GRPEL1: variants seen among roughly 807,000 people sequenced by gnomAD.
The protein encoded by GRPEL1 is GrpE like 1, mitochondrial.
Under a neutral mutation model 22.1 loss-of-function variants are expected in GRPEL1, and 13 were observed. That is an observed-to-expected ratio of 0.59 (90% CI 0.38 to 0.94). The LOEUF is 0.94. Among genes scored for constraint, GRPEL1 ranks in the 40% least tolerant of loss-of-function variants. The pLI, the probability that GRPEL1 is intolerant of heterozygous loss-of-function variation, is 0.00. For missense variants in GRPEL1, 289 were observed against 264.6 expected (o/e 1.09, Z -0.64); for synonymous variants, 109 against 105.3 (o/e 1.03, Z -0.21).
Position 7,059,345 on chromosome 4 carries a change from G to T in GRPEL1, c.*1517C>A, listed in dbSNP as rs752546629. The T allele has an allele frequency of 2.6e-5, 4 of 152,206 alleles. No individual in the cohort carries two copies. Among genetic ancestry groups the T allele is most frequent in the African/African-American group, 4.8e-5 (2 of 41,442 alleles). The allele number at this position is 152,206 out of a possible 1,614,324, so 9.4% of individuals were successfully genotyped here. On this transcript the variant is annotated 3_prime_UTR_variant, in exon 4 of 4. Transcript: ENST00000264954. ...TAGCAACTGCAGCTGTAGTTGAGAC[G>T]GTAGGAGACTGCAAACATTCACAGA...
At position 7,068,023 on chromosome 4, in the gene GRPEL1, G is replaced by T; in HGVS notation, c.10C>A (p.Gln4Lys). Residue 4 changes from glutamine to lysine, a missense_variant, in exon 1 of 4, where the codon CAG becomes AAG. By Grantham distance (53) the Gln-to-Lys change is moderately conservative (BLOSUM62 1). Transcript: ENST00000264954. MAA[Q>K]CVRLARRSLP... ...CTGCGCCGCGCCAACCTCACGCACT[G>T]AGCCGCCATGACTGCCACTGCCCGT... The T allele has an allele frequency of 6.2e-7, 1 of 1,612,010 alleles. No individual in the cohort carries two copies. Among genetic ancestry groups the T allele is most frequent in the Non-Finnish European group, 8.5e-7 (1 of 1,179,648 alleles).
rs62289251 is a variant in GRPEL1 at position 7,066,551 on chromosome 4, A to G, written c.62+1420T>C. The stretch of plus-strand genomic sequence containing the variant: ...GCCATGGGGGTGGAGAGCGATGACC[A>G]TTTTATATTTTTACTCTTGTGAATT... On this transcript the variant is annotated intron_variant, in intron 1 of 3. Transcript: ENST00000264954. Among the ~76,000 whole-genome samples the G allele has an allele frequency of 1.3e-3, 199 of 152,320 alleles. 2 individuals are homozygous for G. The highest frequency in any genetic ancestry group is 2.1e-3 in the Non-Finnish European group (141 of 68,036).
At chr4:7,064,923 G>A (rs1724131302) in intron 1 of GRPEL1, among the ~76,000 whole-genome samples, 1 of 152,176 alleles carries the variant, frequency 6.6e-6, no homozygotes, top group Admixed American at 6.5e-5. Flanking sequence ...GCCTCCCAGA[G>A]TGCTGGGATT....
Position 7,062,485 on chromosome 4 carries a change from G to GAGATTTATATATATATATATAT in GRPEL1, c.226-20_226-19insATATATATATATATATAAATCT, listed in dbSNP as rs60458218. ...ATTTTTCCTAAAAGAGAAAAAAAGGGATATTTATATATATATATATATATA... is the reference window on the plus strand; with the variant it reads ...ATTTTTCCTAAAAGAGAAAAAAAGGGAGATTTATATATATATATATATATATTTATATATATATATATATATA... On this transcript the variant is annotated intron_variant, in intron 2 of 3. Transcript: ENST00000264954. 1 of 371,118 alleles carries GAGATTTATATATATATATATAT rather than the reference G, an allele frequency of 2.7e-6. No individual in the cohort carries two copies. The highest frequency in any genetic ancestry group is 4.9e-5 in the African/African-American group (1 of 20,268). The allele number at this position is 371,118 out of a possible 1,614,324, so 23.0% of individuals were successfully genotyped here.
chr4:7,060,773 G>C lies in GRPEL1; in HGVS notation c.*89C>G, dbSNP rs1385021486. ...AGGTTTCCAATAAGGTTTGGGAAAAGGTCACACGTACTCATAGATGAGAAA... is the reference window on the plus strand; with the variant it reads ...AGGTTTCCAATAAGGTTTGGGAAAACGTCACACGTACTCATAGATGAGAAA... On this transcript the variant is annotated 3_prime_UTR_variant, in exon 4 of 4. Coordinates refer to ENST00000264954, the MANE Select transcript of GRPEL1 (RefSeq NM_025196.4). 1 of 1,211,854 alleles carries C rather than the reference G, an allele frequency of 8.3e-7. No homozygotes were observed. Among genetic ancestry groups the C allele is most frequent in the Non-Finnish European group, 1.2e-6 (1 of 855,094 alleles). 75.1% of individuals were successfully genotyped at this position (1,211,854 alleles called of 1,614,324 possible).
chr4:7,063,237 G>A (rs530053301), intron 2 of GRPEL1, among the ~76,000 whole-genome samples: 1 of 151,710 alleles, frequency 6.6e-6, no homozygotes, highest in African/African-American at 2.4e-5. Flanking sequence ...CTACAGGAGT[G>A]CACCACCACG....
chr4:7,061,286 G>A (rs1414395383), intron 3 of GRPEL1, 78 bp from the exon 4 acceptor site: 11 of 1,094,346 alleles, frequency 1.0e-5, no homozygotes, highest in Non-Finnish European at 1.4e-5. Context: ...CTGCTGACCT[G>A]ATGTGGAGGC....
chr4:7,059,689 A>G lies in GRPEL1; in HGVS notation c.*1173T>C, dbSNP rs773950529. ...CTTTCACAAGTATCTTCCATTCTAG[A>G]AGCAAAGGCAGCGAAAGGTTCTTTT... is the stretch of plus-strand genomic sequence containing the variant. On this transcript the variant is annotated 3_prime_UTR_variant, in exon 4 of 4. Transcript: ENST00000264954. 1 of 152,264 alleles carries G rather than the reference A, an allele frequency of 6.6e-6. No homozygotes were observed. 9.4% of individuals were successfully genotyped at this position (152,264 alleles called of 1,614,324 possible). A position where few individuals can be genotyped will look rare whatever the true frequency, so the allele number is the denominator to read the frequency against.
In GRPEL1 at chr4:7,066,472, T is replaced by A. The variant is rs544182291; in HGVS notation, c.62+1499A>T. Among the ~76,000 whole-genome samples, 28 of 152,360 alleles carry A rather than the reference T, an allele frequency of 1.8e-4. No homozygotes were observed. In the East Asian group the frequency reaches 4.0e-3, roughly 22 times the overall value. On this transcript the variant is annotated intron_variant, in intron 1 of 3. Transcript: ENST00000264954. The stretch of plus-strand genomic sequence containing the variant: ...ACAAACTAGAAATCCTGTGTACTTA[T>A]TAATATCTTAGATCTGTGGAAAGAA...
Position 7,062,482 on chromosome 4 carries a change from A to AGG in GRPEL1, c.226-18_226-17dup. 9.0e-7 allele frequency: 1 copy of AGG among 1,106,178 alleles called. No individual in the cohort carries two copies. Among genetic ancestry groups the AGG allele is most frequent in the Non-Finnish European group, 1.3e-6 (1 of 794,172 alleles). The allele number at this position is 1,106,178 out of a possible 1,614,324, so 68.5% of individuals were successfully genotyped here. On this transcript the variant is annotated splice_polypyrimidine_tract_variant and intron_variant, in intron 2 of 3. Transcript: ENST00000264954. Reference sequence around the variant, plus strand: ...TATATTTTTCCTAAAAGAGAAAAAAAGGGATATTTATATATATATATATAT... The same window carrying AGG: ...TATATTTTTCCTAAAAGAGAAAAAAAGGGGGATATTTATATATATATATATAT...
intron 1 of GRPEL1, chr4:7,067,567 A>C: frequency 4.1e-6 from 1 of 243,938 alleles, no homozygotes; most frequent in Non-Finnish European, 7.9e-6. Context: ...GACCTTGGAC[A>C]AAGCTCGAGC....
intron 2 of GRPEL1, among the ~76,000 whole-genome samples, chr4:7,062,811 C>T (rs996612821): frequency 3.3e-5 from 5 of 151,954 alleles, no homozygotes; most frequent in East Asian, 1.9e-4. Context: ...CATGCCTGGC[C>T]GGGAGATTTA....
Position 7,060,788 on chromosome 4 carries a change from T to C in GRPEL1, c.*74A>G, listed in dbSNP as rs1453229337. The C allele has an allele frequency of 7.6e-6, 10 of 1,320,530 alleles. No individual in the cohort carries two copies. The highest frequency in any genetic ancestry group is 1.5e-5 in the African/African-American group (1 of 68,188). The allele number at this position is 1,320,530 out of a possible 1,614,324, so 81.8% of individuals were successfully genotyped here. On this transcript the variant is annotated 3_prime_UTR_variant, in exon 4 of 4. Coordinates refer to ENST00000264954, the MANE Select transcript of GRPEL1 (RefSeq NM_025196.4). Reference sequence around the variant, plus strand: ...TTTGGGAAAAGGTCACACGTACTCATAGATGAGAAACAATGAACCAGCCTT... The same window carrying C: ...TTTGGGAAAAGGTCACACGTACTCACAGATGAGAAACAATGAACCAGCCTT...
chr4:7,065,758 A>G (rs1285326807), intron 1 of GRPEL1, among the ~76,000 whole-genome samples: 2 of 152,184 alleles, frequency 1.3e-5, no homozygotes, highest in Non-Finnish European at 2.9e-5. Flanking sequence ...CCGGTGAAAT[A>G]GACCAAGACC....
intron 2 of GRPEL1, among the ~76,000 whole-genome samples, chr4:7,063,288 T>C (rs1724088383): frequency 6.6e-6 from 1 of 152,068 alleles, no homozygotes. Context: ...GGAGTCTCAC[T>C]ATGTTGCCCA....
chr4:7,067,891 G>A, intron 1 of GRPEL1, 80 bp downstream of exon 1: 1 of 1,439,206 alleles, frequency 6.9e-7, no homozygotes, highest in Non-Finnish European at 9.6e-7. Context: ...CGGGAAGGAG[G>A]CCCCGGGGCC....
At position 7,068,001 on chromosome 4, in the gene GRPEL1, C is replaced by G. The variant is rs778210634; in HGVS notation, c.32G>C (p.Arg11Pro). MAAQCVRLAR[R>P]SLPALALSLR... Reference sequence around the variant, plus strand: ...AGACAACGCCAAAGCAGGAAGACTGCGCCGCGCCAACCTCACGCACTGAGC... The same window carrying G: ...AGACAACGCCAAAGCAGGAAGACTGGGCCGCGCCAACCTCACGCACTGAGC... The change falls in exon 1 of 4, where the codon CGC (arginine) becomes CCC (proline). Residue 11 changes from arginine to proline, a missense_variant. Coordinates refer to ENST00000264954, the MANE Select transcript of GRPEL1 (RefSeq NM_025196.4). The G allele has an allele frequency of 6.2e-7, 1 of 1,613,288 alleles. No individual in the cohort carries two copies. The highest frequency in any genetic ancestry group is 8.5e-7 in the Non-Finnish European group (1 of 1,179,890).
At chr4:7,063,523 G>A (rs1724093157) in intron 2 of GRPEL1, among the ~76,000 whole-genome samples, 1 of 152,216 alleles carries the variant, frequency 6.6e-6, no homozygotes, top group Non-Finnish European at 1.5e-5. Context: ...TCGAGCCCTG[G>A]CTCCGCACCT....
chr4:7,067,397 T>A (rs1724194973), intron 1 of GRPEL1: 1 of 154,076 alleles, frequency 6.5e-6, no homozygotes, highest in East Asian at 1.9e-4. Flanking sequence ...AGTGAAGGAA[T>A]TCGAGGTCGA....
Sources: gnomAD v4.1 joint callset for allele counts (sites outside exome capture counted in the v4.1 genomes callset) on GRCh38, gnomAD v4.1.1 for gene constraint, MANE v1.5 for transcripts, NCBI Gene and HGNC (gene_info 2026-07-23, HGNC 2026-07-21) for gene names.